TSNARE1: variants seen among roughly 807,000 people sequenced by gnomAD.
TSNARE1 encodes t-SNARE domain containing 1.
Under a neutral mutation model 62.0 loss-of-function variants are expected in TSNARE1, and 49 were observed. That is an observed-to-expected ratio of 0.79 (90% CI 0.63 to 1.00). The LOEUF (loss-of-function observed/expected upper bound fraction) is 1.00. TSNARE1 is among the 50% of genes least tolerant of loss of function. The pLI is 0.00. For synonymous variants in TSNARE1, 328 were observed against 294.4 expected, an observed-to-expected ratio of 1.11 and a Z score of -1.17; for missense variants, 755 against 700.1, an observed-to-expected ratio of 1.08 and a Z score of -0.88.
rs60927835 is a variant in TSNARE1, at chr8:142,299,488, A to G, written c.1290+998T>C. Reference sequence around the variant, plus strand: ...GGCCAGAGGAAGGGAAGGACGTTCAAGGTCACACGCAGAGGCTCGGATCCC... The same window carrying G: ...GGCCAGAGGAAGGGAAGGACGTTCAGGGTCACACGCAGAGGCTCGGATCCC... On this transcript the variant is annotated intron_variant, in intron 10 of 13. Transcript: ENST00000524325. Among the ~76,000 whole-genome samples, 382 of 152,350 alleles carry G rather than the reference A, an allele frequency of 2.5e-3. 3 individuals are homozygous for G. The highest frequency in any genetic ancestry group is 8.9e-3 in the African/African-American group (371 of 41,580).
chr8:142,361,482 A>G (rs955072331), intron 1 of TSNARE1, among the ~76,000 whole-genome samples: 4 of 152,140 alleles, frequency 2.6e-5, no homozygotes, highest in African/African-American at 7.2e-5. Context: ...CCCAGGAGCG[A>G]GGGCACAGAA....
intron 1 of TSNARE1, among the ~76,000 whole-genome samples, chr8:142,383,580 C>A (rs1836916874): frequency 1.3e-5 from 2 of 152,102 alleles, no homozygotes; most frequent in African/African-American, 4.8e-5. Context: ...CCTCTCCCAG[C>A]CTCAAGCTCA....
At chr8:142,225,142 C>A (rs1052050694) in intron 13 of TSNARE1, among the ~76,000 whole-genome samples, 1 of 151,338 alleles carries the variant, frequency 6.6e-6, no homozygotes, top group South Asian at 2.1e-4. Context: ...CCGATGGTTG[C>A]CCTGCCTCCC....
Position 142,227,338 on chromosome 8 carries a change from ACCCCCATCCT to A in TSNARE1, c.*11+2125_*11+2134del, listed in dbSNP as rs1563761196. ...GCCCACAACTCCAGTGATAGCCAGG[ACCCCCATCCT>A]GCCCATAGCCCCAGTGACAGCCAGG... On this transcript the variant is annotated intron_variant, in intron 13 of 13. Transcript: ENST00000524325. 6.3e-4 allele frequency among the ~76,000 whole-genome samples: 64 copies of A among 101,794 alleles called. 1 individual carries two copies. Among genetic ancestry groups the A allele is most frequent in the African/African-American group, 5.1e-3 (62 of 12,134 alleles). 66.8% of individuals were successfully genotyped at this position (101,794 alleles called of 152,430 possible).
rs1393236778 is a variant in TSNARE1, at chr8:142,274,872, C to T, written c.1364-9G>A. On this transcript the variant is annotated splice_polypyrimidine_tract_variant and intron_variant, in intron 11 of 13. Coordinates refer to ENST00000524325, the MANE Select transcript of TSNARE1 (RefSeq NM_145003.5). ...GCTGGCTTCAATACTATCTGCAAAT[C>T]AAGACAACAGAAGGCAATTACAGAT... 17 of 1,546,662 alleles carry T rather than the reference C, an allele frequency of 1.1e-5. No individual in the cohort carries two copies. The highest frequency in any genetic ancestry group is 1.3e-5 in the Non-Finnish European group (15 of 1,145,520).
At chr8:142,222,102 C>CA (rs142699831) in intron 13 of TSNARE1, among the ~76,000 whole-genome samples, 1 of 124,518 alleles carries the variant, frequency 8.0e-6, no homozygotes, top group Non-Finnish European at 1.7e-5. Context: ...CTCATCCACT[C>CA]CACTCACTCA....
At chr8:142,293,812 C>G (rs1026517799) in intron 10 of TSNARE1, among the ~76,000 whole-genome samples, 3 of 152,234 alleles carry the variant, frequency 2.0e-5, no homozygotes, top group African/African-American at 7.2e-5. Context: ...TACCCACACA[C>G]TGCAGGGATG....
chr8:142,294,456 C>T, intron 10 of TSNARE1, among the ~76,000 whole-genome samples: 1 of 152,208 alleles, frequency 6.6e-6, no homozygotes, highest in East Asian at 1.9e-4. Flanking sequence ...AGTCGGAGAC[C>T]AGGGCTCAGA....
chr8:142,314,291 T>C (rs1828155533), intron 9 of TSNARE1, 93 bp downstream of exon 9: 3 of 1,245,422 alleles, frequency 2.4e-6, no homozygotes, highest in Middle Eastern at 2.5e-4. Context: ...CCCCTGCCCT[T>C]GGCCCTCCCC....
In TSNARE1 at chr8:142,300,516, C is replaced by T. The variant is rs1181417816; in HGVS notation, c.1260G>A (p.Arg420=). Residue 420 remains arginine, a synonymous_variant, in exon 10 of 14, where the codon CGG becomes CGA. Coordinates refer to ENST00000524325, the MANE Select transcript of TSNARE1 (RefSeq NM_145003.5). ...TCTGCAGGATGGCCTCCTCCCGCAG[C>T]CGGATGGCCTCCAGGTCCTCTTCAG... ...DITEEDLEAI[R]LREEAILQME... The T allele has an allele frequency of 1.7e-5, 27 of 1,608,696 alleles. No homozygotes were observed. The highest frequency in any genetic ancestry group is 2.2e-5 in the Non-Finnish European group (26 of 1,179,620).
chr8:142,282,550 G>C (rs76147258), intron 11 of TSNARE1, among the ~76,000 whole-genome samples: 24,217 of 125,176 alleles, frequency 0.19, 1,660 homozygotes, highest in South Asian at 0.28. Flanking sequence ...ATGAGCAGAG[G>C]CGGGACCAGT....
At position 142,291,617 on chromosome 8, in the gene TSNARE1, G is replaced by A. The variant is rs186584810; in HGVS notation, c.1291-7132C>T. On this transcript the variant is annotated intron_variant, in intron 10 of 13. Coordinates refer to ENST00000524325, the MANE Select transcript of TSNARE1 (RefSeq NM_145003.5). The surrounding 1 kb of genome is among the most constrained non-coding windows in gnomAD (Gnocchi z 4.8). Reference sequence around the variant, plus strand: ...CAGCGTCAGGCCGGTGAGCTGCTGCGAACGCAGACGTGACGGGAACAGGCA... The same window carrying A: ...CAGCGTCAGGCCGGTGAGCTGCTGCAAACGCAGACGTGACGGGAACAGGCA... Among the ~76,000 whole-genome samples, 87 of 152,190 alleles carry A rather than the reference G, an allele frequency of 5.7e-4. No individual in the cohort carries two copies. Among genetic ancestry groups the A allele is most frequent in the Middle Eastern group, 3.4e-3 (1 of 294 alleles).
chr8:142,305,708 G>A (rs72614025), intron 9 of TSNARE1, among the ~76,000 whole-genome samples: 11,736 of 152,226 alleles, frequency 0.077, 687 homozygotes, highest in East Asian at 0.33. Context: ...CTTGAGCTCC[G>A]AGGCTGGGAT....
intron 1 of TSNARE1, among the ~76,000 whole-genome samples, chr8:142,364,512 G>A (rs901269062): frequency 6.6e-6 from 1 of 152,124 alleles, no homozygotes; most frequent in Admixed American, 6.5e-5. Context: ...ACAGCAATGG[G>A]CACACCCAGC....
At chr8:142,304,847 T>C (rs1241167071) in intron 9 of TSNARE1, among the ~76,000 whole-genome samples, 1 of 152,182 alleles carries the variant, frequency 6.6e-6, no homozygotes, top group Non-Finnish European at 1.5e-5. Context: ...GACATGGCCA[T>C]ACACGCCCCT....
intron 10 of TSNARE1, among the ~76,000 whole-genome samples, chr8:142,299,755 T>C (rs1375942446): frequency 6.6e-6 from 1 of 152,138 alleles, no homozygotes; most frequent in African/African-American, 2.4e-5. Flanking sequence ...CACACATGCA[T>C]ACGTGCATGC....
rs1490193377 is a variant in TSNARE1, at chr8:142,221,698, C to A, written c.*11+7775G>T. 7.6e-3 allele frequency among the ~76,000 whole-genome samples: 18 copies of A among 2,370 alleles called. 2 individuals carry two copies. In the East Asian group the frequency reaches 0.11, roughly 15 times the overall value. 1.6% of individuals were successfully genotyped at this position (2,370 alleles called of 152,430 possible). A position where few individuals can be genotyped will look rare whatever the true frequency, so the allele number is the denominator to read the frequency against. ...CCACTCATCCACTCACTCACTCATC[C>A]ACTCACTCATCCACTCACTCACTCA... On this transcript the variant is annotated intron_variant, in intron 13 of 13. Coordinates refer to ENST00000524325, the MANE Select transcript of TSNARE1 (RefSeq NM_145003.5).
At chr8:142,250,994 G>C (rs1818131690) in intron 12 of TSNARE1, among the ~76,000 whole-genome samples, 1 of 152,250 alleles carries the variant, frequency 6.6e-6, no homozygotes, top group African/African-American at 2.4e-5. Flanking sequence ...AGCCTCCAGG[G>C]AGCAGCGGGC....
intron 11 of TSNARE1, chr8:142,280,085 C>A (rs1005584401): frequency 5.0e-6 from 6 of 1,199,832 alleles, no homozygotes; most frequent in African/African-American, 5.0e-5. Flanking sequence ...CGGCTCCACA[C>A]GCGGTGCTTT....
Sources: allele counts gnomAD v4.1 joint callset (sites outside exome capture counted in the v4.1 genomes callset), GRCh38; gene constraint gnomAD v4.1.1; non-coding constraint Gnocchi (gnomAD v3.1); transcripts MANE v1.5; gene names NCBI Gene and HGNC (gene_info 2026-07-23, HGNC 2026-07-21).